NLGN4X: variants seen among roughly 807,000 people sequenced by gnomAD.
The protein encoded by NLGN4X is neuroligin 4 X-linked, also known as neuroligin-4, X-linked.
A neutral mutation model predicts 40.3 loss-of-function variants in NLGN4X; 3 were observed. The observed-to-expected ratio is 0.07, with a 90% CI of 0.03 to 0.19. The LOEUF is 0.19. NLGN4X is among the 10% of genes least tolerant of loss of function. The pLI is 1.00. For synonymous variants in NLGN4X, 270 were observed against 306.8 expected (o/e 0.88, Z 1.25); for missense variants, 382 against 708.3 (o/e 0.54, Z 5.23).
At chrX:6,074,246 T>C (rs928235361) in intron 2 of NLGN4X, among the ~76,000 whole-genome samples, 1 of 111,246 alleles carries the variant, frequency 9.0e-6, no homozygotes, top group African/African-American at 3.3e-5. Context: ...TTCCTTGGCA[T>C]TGAAGTCCCA....
At chrX:5,939,080 T>A (rs1203699362) in intron 3 of NLGN4X, among the ~76,000 whole-genome samples, 2 of 109,780 alleles carry the variant, frequency 1.8e-5, no homozygotes, top group Admixed American at 9.9e-5. Context: ...TGGATGCATG[T>A]CACAGATTTA....
At chrX:6,075,079 C>A (rs968966996) in intron 2 of NLGN4X, among the ~76,000 whole-genome samples, 2 of 111,581 alleles carry the variant, frequency 1.8e-5, no homozygotes, top group African/African-American at 6.5e-5. Flanking sequence ...TTCTGGAAAG[C>A]CTGCTGCATG....
In NLGN4X at chrX:5,915,597, C is replaced by T. The variant is rs766779192; in HGVS notation, c.626-6358G>A. On this transcript the variant is annotated intron_variant, in intron 3 of 5. Coordinates refer to ENST00000381095, the MANE Select transcript of NLGN4X (RefSeq NM_181332.3). Reference sequence around the variant, plus strand: ...CTCTGTCGCCTAAGCTGGAGTGCAGCAGTGTGATCTTGGCTCACTGCAACC... The same window carrying T: ...CTCTGTCGCCTAAGCTGGAGTGCAGTAGTGTGATCTTGGCTCACTGCAACC... 1.1e-4 allele frequency among the ~76,000 whole-genome samples: 12 copies of T among 111,983 alleles called. No homozygotes were observed. In the East Asian group the frequency reaches 2.8e-3, roughly 26 times the overall value.
chrX:6,052,244 C>T (rs1353784287), intron 2 of NLGN4X, among the ~76,000 whole-genome samples: 4 of 111,794 alleles, frequency 3.6e-5, no homozygotes, highest in African/African-American at 1.3e-4. Flanking sequence ...GGAAATCCAG[C>T]TCAGACATGC....
intron 2 of NLGN4X, among the ~76,000 whole-genome samples, chrX:6,064,675 A>G (rs866942018): frequency 1.7e-4 from 19 of 111,526 alleles, no homozygotes; most frequent in Middle Eastern, 4.6e-3. Context: ...GGCCAGGAAA[A>G]AAAGGGAGAG....
At chrX:6,225,689 CTTTT>C (rs749574818) in intron 1 of NLGN4X, among the ~76,000 whole-genome samples, 19 of 26,889 alleles carry the variant, frequency 7.1e-4, no homozygotes, top group South Asian at 6.5e-3. Context: ...TTCTTTTTTT[CTTTT>C]TTTTTTTTTT....
At chrX:6,023,703 C>A (rs1401613655) in intron 3 of NLGN4X, among the ~76,000 whole-genome samples, 2 of 112,269 alleles carry the variant, frequency 1.8e-5, no homozygotes, top group Non-Finnish European at 1.9e-5. Flanking sequence ...CATAGAGGCA[C>A]ACAATGAGTT....
At chrX:6,155,369 T>C (rs2040241932) in intron 1 of NLGN4X, among the ~76,000 whole-genome samples, 1 of 112,389 alleles carries the variant, frequency 8.9e-6, no homozygotes, top group African/African-American at 3.2e-5. Context: ...AATCCTTCTA[T>C]ACTGTTCACT....
At position 5,926,340 on chromosome X, in the gene NLGN4X, G is replaced by C. The variant is rs1016792999; in HGVS notation, c.626-17101C>G. ...GTCCAGCAGTTCTTTAGATCAGTGT[G>C]AGGACAGATTAATATACTTACTTAA... On this transcript the variant is annotated intron_variant, in intron 3 of 5. Transcript: ENST00000381095. Among the ~76,000 whole-genome samples, 4 of 110,476 alleles carry C rather than the reference G, an allele frequency of 3.6e-5. No homozygotes were observed. The Admixed American group carries it at 3.9e-4, about 11-fold the overall frequency.
At chrX:6,055,329 T>A (rs1253614640) in intron 2 of NLGN4X, among the ~76,000 whole-genome samples, 1 of 111,928 alleles carries the variant, frequency 8.9e-6, no homozygotes, top group Admixed American at 9.5e-5. Context: ...ACTCCATCTC[T>A]ACAAAGTAAA....
intron 3 of NLGN4X, among the ~76,000 whole-genome samples, chrX:6,014,719 T>C (rs1326193082): frequency 1.8e-5 from 2 of 111,833 alleles, no homozygotes; most frequent in Non-Finnish European, 3.8e-5. Context: ...GCCTTTTATT[T>C]CTTGGGTGGA....
At chrX:6,149,519 C>A (rs1020565920) in intron 2 of NLGN4X, among the ~76,000 whole-genome samples, 30 of 111,383 alleles carry the variant, frequency 2.7e-4, no homozygotes, top group African/African-American at 8.5e-4. Flanking sequence ...CTTTTGAGAG[C>A]TCTTATTCAT....
chrX:5,906,122 T>C (rs1220419338), intron 4 of NLGN4X, among the ~76,000 whole-genome samples: 1 of 112,402 alleles, frequency 8.9e-6, no homozygotes, highest in Non-Finnish European at 1.9e-5. Context: ...CTCCTGAAGT[T>C]GGTTCTGACT....
At chrX:5,977,188 T>C (rs1321616188) in intron 3 of NLGN4X, among the ~76,000 whole-genome samples, 4 of 112,125 alleles carry the variant, frequency 3.6e-5, no homozygotes, top group Non-Finnish European at 7.5e-5. Context: ...ACATTCTTTT[T>C]TTCAGTTCAA....
chrX:5,926,846 AATC>A (rs779430584), intron 3 of NLGN4X, among the ~76,000 whole-genome samples: 1 of 107,720 alleles, frequency 9.3e-6, no homozygotes, highest in African/African-American at 3.4e-5. Flanking sequence ...ACTGTTTCCT[AATC>A]ATTTGTCTAG....
intron 3 of NLGN4X, among the ~76,000 whole-genome samples, chrX:6,000,815 T>G (rs1295291138): frequency 8.9e-6 from 1 of 111,759 alleles, no homozygotes; most frequent in Non-Finnish European, 1.9e-5. Context: ...TTCCAATTTC[T>G]GCCTGTTACC....
At chrX:6,195,864 C>T (rs1475302701) in intron 1 of NLGN4X, among the ~76,000 whole-genome samples, 1 of 111,288 alleles carries the variant, frequency 9.0e-6, no homozygotes, top group Non-Finnish European at 1.9e-5. Context: ...TCACAGCTGG[C>T]TGTAATCTCA....
chrX:6,058,424 A>C (rs1354817264), intron 2 of NLGN4X, among the ~76,000 whole-genome samples: 1 of 112,155 alleles, frequency 8.9e-6, no homozygotes, highest in Non-Finnish European at 1.9e-5. Context: ...CTCATCAAAA[A>C]ACAAAAGCAA....
In NLGN4X at chrX:5,925,879, CACATATATATATATATATATATAT is replaced by C. The variant is rs1320347045; in HGVS notation, c.626-16664_626-16641del. Among the ~76,000 whole-genome samples the C allele has an allele frequency of 2.9e-3, 134 of 46,801 alleles. 3 individuals are homozygous for C. Among genetic ancestry groups the C allele is most frequent in the African/African-American group, 7.9e-3 (113 of 14,340 alleles). The allele number at this position is 46,801 out of a possible 115,157, so 40.6% of individuals were successfully genotyped here. Reference sequence around the variant, plus strand: ...ATATATATATATATATATACATACACACATATATATATATATATATATATATATATATATATATATATATATATA... The same window carrying C: ...ATATATATATATATATATACATACACATATATATATATATATATATATATA... On this transcript the variant is annotated intron_variant, in intron 3 of 5. Transcript: ENST00000381095.
Sources: allele counts gnomAD v4.1 joint callset (sites outside exome capture counted in the v4.1 genomes callset), GRCh38; gene constraint gnomAD v4.1.1; transcripts MANE v1.5; gene names NCBI Gene and HGNC (gene_info 2026-07-23, HGNC 2026-07-21).